CACNB4: variants seen among roughly 807,000 people sequenced by gnomAD.
CACNB4 encodes the protein calcium voltage-gated channel auxiliary subunit beta 4.
Under a neutral mutation model 71.2 loss-of-function variants are expected in CACNB4, and 32 were observed. The observed-to-expected ratio is 0.45, with a 90% CI of 0.34 to 0.60. The LOEUF (loss-of-function observed/expected upper bound fraction) is 0.60, where lower values mean the gene tolerates loss of function less well. CACNB4 is among the 20% of genes least tolerant of loss of function. The probability of loss-of-function intolerance (pLI) is 0.01; values close to 1 mark genes in which losing one functional copy is unlikely to be tolerated. For missense variants in CACNB4, 464 were observed against 647.9 expected, an observed-to-expected ratio of 0.72 and a Z score of 3.08; for synonymous variants, 231 against 236.9, an observed-to-expected ratio of 0.97 and a Z score of 0.23.
intron 2 of CACNB4, among the ~76,000 whole-genome samples, chr2:151,885,010 T>C (rs969751087): frequency 6.6e-6 from 1 of 152,210 alleles, no homozygotes; most frequent in Non-Finnish European, 1.5e-5. Flanking sequence ...TTTCTACATG[T>C]AGAAATGTTG....
intron 2 of CACNB4, among the ~76,000 whole-genome samples, chr2:151,951,027 C>A (rs1448378657): frequency 6.6e-6 from 1 of 152,156 alleles, no homozygotes; most frequent in Non-Finnish European, 1.5e-5. Context: ...TCCCTGCAGC[C>A]TCCGTCACCT....
intron 2 of CACNB4, among the ~76,000 whole-genome samples, chr2:152,097,901 T>G (rs926468481): frequency 4.6e-5 from 7 of 152,110 alleles, no homozygotes; most frequent in Admixed American, 2.6e-4. Flanking sequence ...AGTATTCAAA[T>G]TAGGACAAAA....
chr2:152,098,387 C>T lies in CACNB4; in HGVS notation c.90G>A (p.Arg30=). 1 of 1,613,722 alleles carries T rather than the reference C, an allele frequency of 6.2e-7. No individual in the cohort carries two copies. The highest frequency in any genetic ancestry group is 8.5e-7 in the Non-Finnish European group (1 of 1,179,660). ...SQVARGTTTR[R]SRLKRSDGST... ...TGCCATCGGATCTTTTCAACCTGCT[C>T]CTCCGGGTTGTGGTGCCTCGGGCCA... Residue 30 remains arginine (R), a synonymous_variant, in exon 2 of 14, where the codon AGG becomes AGA. Coordinates refer to ENST00000539935, the MANE Select transcript of CACNB4 (RefSeq NM_000726.5). This position sits in a 1 kb window ranked among gnomAD's most constrained non-coding sequence, Gnocchi z 5.3.
At chr2:152,061,417 TTACTA>T (rs1345340750) in intron 2 of CACNB4, among the ~76,000 whole-genome samples, 1 of 152,150 alleles carries the variant, frequency 6.6e-6, no homozygotes, top group African/African-American at 2.4e-5. Flanking sequence ...AATTGAATAT[TTACTA>T]TAGTAACATC....
At chr2:151,935,436 G>C (rs943369112) in intron 2 of CACNB4, among the ~76,000 whole-genome samples, 2 of 152,182 alleles carry the variant, frequency 1.3e-5, no homozygotes, top group Non-Finnish European at 2.9e-5. Flanking sequence ...CCGAATTCAT[G>C]GAAATTATCA....
At chr2:151,941,775 T>G (rs2099864321) in intron 2 of CACNB4, among the ~76,000 whole-genome samples, 1 of 152,182 alleles carries the variant, frequency 6.6e-6, no homozygotes, top group African/African-American at 2.4e-5. Flanking sequence ...CAAAGCACCT[T>G]AAGGTTATGT....
At chr2:152,023,827 A>G (rs183509391) in intron 2 of CACNB4, among the ~76,000 whole-genome samples, 21 of 152,362 alleles carry the variant, frequency 1.4e-4, no homozygotes, top group African/African-American at 4.8e-4. Context: ...TAGGCGTACA[A>G]CTCAACGAAT....
At chr2:152,064,372 T>C (rs573031678) in intron 2 of CACNB4, among the ~76,000 whole-genome samples, 9 of 152,382 alleles carry the variant, frequency 5.9e-5, no homozygotes, top group Admixed American at 5.9e-4. Flanking sequence ...CCAGAATGTT[T>C]ATAATGTACT....
chr2:151,862,258 C>T (rs2099841936), intron 9 of CACNB4, among the ~76,000 whole-genome samples: 1 of 152,228 alleles, frequency 6.6e-6, no homozygotes, highest in South Asian at 2.1e-4. Context: ...TGTCAGGAGA[C>T]TGTACCTGAT....
At chr2:151,963,204 TG>T (rs2099870119) in intron 2 of CACNB4, among the ~76,000 whole-genome samples, 1 of 147,896 alleles carries the variant, frequency 6.8e-6, no homozygotes, top group Non-Finnish European at 1.5e-5. Context: ...CCCAGCTACA[TG>T]GGAGGCTGAG....
At chr2:152,096,062 AT>A (rs1453374214) in intron 2 of CACNB4, among the ~76,000 whole-genome samples, 1 of 152,198 alleles carries the variant, frequency 6.6e-6, no homozygotes, top group Non-Finnish European at 1.5e-5. Context: ...ATTTGTAATC[AT>A]TTTCCTTATC....
chr2:151,834,519 T>C lies in CACNB4; in HGVS notation c.*4600A>G, dbSNP rs1378286095. The C allele has an allele frequency of 6.6e-6, 1 of 152,000 alleles. No individual in the cohort carries two copies. Among genetic ancestry groups the C allele is most frequent in the Non-Finnish European group, 1.5e-5 (1 of 67,856 alleles). The allele number at this position is 152,000 out of a possible 1,614,324, so 9.4% of individuals were successfully genotyped here. On this transcript the variant is annotated 3_prime_UTR_variant, in exon 14 of 14. Transcript: ENST00000539935. ...TACAAGTAAAAAGAGATAGCTGCTA[T>C]CAGAGGATGTATTTTATTTAAGAAA...
At chr2:152,042,351 TGTC>T (rs1684917686) in intron 2 of CACNB4, among the ~76,000 whole-genome samples, 1 of 152,188 alleles carries the variant, frequency 6.6e-6, no homozygotes, top group African/African-American at 2.4e-5. Flanking sequence ...GGTTCTTATA[TGTC>T]GTAGCTTGCC....
chr2:151,905,669 A>G (rs1017412716), intron 2 of CACNB4, among the ~76,000 whole-genome samples: 1 of 152,242 alleles, frequency 6.6e-6, no homozygotes, highest in Non-Finnish European at 1.5e-5. Context: ...ACAAATGGTT[A>G]TTCTTCACAA....
chr2:151,929,896 A>G (rs1211530020), intron 2 of CACNB4, among the ~76,000 whole-genome samples: 1 of 152,134 alleles, frequency 6.6e-6, no homozygotes, highest in East Asian at 1.9e-4. Flanking sequence ...GCTTTGTTCT[A>G]GGGTGAGAAG....
At chr2:152,064,951 C>T (rs1011627427) in intron 2 of CACNB4, among the ~76,000 whole-genome samples, 11 of 152,186 alleles carry the variant, frequency 7.2e-5, no homozygotes, top group African/African-American at 2.2e-4. Context: ...AGTTCACAAT[C>T]AGCTGCTACA....
At chr2:152,020,608 G>C (rs1472994084) in intron 2 of CACNB4, among the ~76,000 whole-genome samples, 1 of 152,188 alleles carries the variant, frequency 6.6e-6, no homozygotes, top group East Asian at 1.9e-4. Flanking sequence ...CTATTCTTTT[G>C]ATTTCAGAAT....
At chr2:151,950,127 G>A (rs2099866572) in intron 2 of CACNB4, among the ~76,000 whole-genome samples, 1 of 151,904 alleles carries the variant, frequency 6.6e-6, no homozygotes, top group Admixed American at 6.6e-5. Flanking sequence ...GAAAGAAAGG[G>A]ACAAGGCCAG....
rs183723123 is a variant in CACNB4 at position 151,865,042 on chromosome 2, T to C, written c.758+4135A>G. ...TTTGACACTCAAGTGTTCAATTAAT[T>C]ATTACTGGTGTTTGAGTGGCTGTTT... On this transcript the variant is annotated intron_variant, in intron 9 of 13. Coordinates refer to ENST00000539935, the MANE Select transcript of CACNB4 (RefSeq NM_000726.5). 9.2e-5 allele frequency among the ~76,000 whole-genome samples: 14 copies of C among 152,338 alleles called. No individual in the cohort carries two copies. In the East Asian group the frequency reaches 2.3e-3, roughly 25 times the overall value.
Sources: gnomAD v4.1 joint callset for allele counts (sites outside exome capture counted in the v4.1 genomes callset) on GRCh38, gnomAD v4.1.1 for gene constraint, Gnocchi (gnomAD v3.1) non-coding constraint, MANE v1.5 for transcripts, NCBI Gene and HGNC (gene_info 2026-07-23, HGNC 2026-07-21) for gene names.